Variants in RIPOR2 observed in about 807,000 individuals in gnomAD.
RIPOR2 encodes the protein rho family-interacting cell polarization regulator 2.
In RIPOR2, 39 loss-of-function variants were observed where a neutral mutation model predicts 114.5. The observed-to-expected ratio is 0.34, with a 90% confidence interval of 0.26 to 0.44. The LOEUF is 0.44. Among genes scored for constraint, RIPOR2 ranks in the 20% least tolerant of loss-of-function variants. The probability of loss-of-function intolerance (pLI) is 1.00; values close to 1 mark genes in which losing one functional copy is unlikely to be tolerated. For synonymous variants in RIPOR2, 445 were observed against 484.4 expected (o/e 0.92, Z 1.07); for missense variants, 1,007 against 1,255.1 (o/e 0.80, Z 2.99).
chr6:24,885,188 G>C (rs761948056), intron 1 of RIPOR2, among the ~76,000 whole-genome samples: 1 of 152,098 alleles, frequency 6.6e-6, no homozygotes, highest in Non-Finnish European at 1.5e-5. Flanking sequence ...AAATAACAGC[G>C]TAAAATTTGA....
chr6:24,908,422 T>G (rs927410164), intron 1 of RIPOR2, among the ~76,000 whole-genome samples: 2 of 152,258 alleles, frequency 1.3e-5, no homozygotes, highest in African/African-American at 4.8e-5. Context: ...CTGAAGTCTG[T>G]GCTATTCACC....
At chr6:25,004,380 A>G (rs9467376) in intron 1 of RIPOR2, among the ~76,000 whole-genome samples, 151,736 of 152,354 alleles carry the variant, frequency 1, 75,563 homozygotes, top group East Asian at 1. Flanking sequence ...CATAATCCCT[A>G]CTGCTTGGTC....
intron 18 of RIPOR2, among the ~76,000 whole-genome samples, chr6:24,826,094 T>C (rs1298848040): frequency 6.6e-6 from 1 of 151,890 alleles, no homozygotes; most frequent in Non-Finnish European, 1.5e-5. Flanking sequence ...GCCTGGCTAA[T>C]TGTTGTATTT....
At chr6:24,853,234 C>T (rs1763136000) in intron 8 of RIPOR2, among the ~76,000 whole-genome samples, 2 of 152,184 alleles carry the variant, frequency 1.3e-5, no homozygotes, top group Non-Finnish European at 2.9e-5. Flanking sequence ...GATACACCCC[C>T]AAAAGAAAGA....
At position 24,839,384 on chromosome 6, in the gene RIPOR2, T is replaced by G. The variant is rs1193582421; in HGVS notation, c.1858-112A>C. 3.5e-6 allele frequency: 5 copies of G among 1,440,622 alleles called. No individual in the cohort carries two copies. The Admixed American group carries it at 1.4e-4, about 41-fold the overall frequency. 89.2% of individuals were successfully genotyped at this position (1,440,622 alleles called of 1,614,324 possible). On this transcript the variant is annotated intron_variant, in intron 13 of 21. Transcript: ENST00000643898. ...TTTTTTTTTTGTTTCAAGTTTTTAT[T>G]TTTTGTTAGCATTTAAAAAATGCAT...
chr6:24,991,600 G>T (rs1333146023), intron 1 of RIPOR2, among the ~76,000 whole-genome samples: 1 of 152,156 alleles, frequency 6.6e-6, no homozygotes, highest in Non-Finnish European at 1.5e-5. Flanking sequence ...TATGGGTTTA[G>T]GTTTATGGAA....
At chr6:24,890,293 T>C (rs1001516346) in intron 1 of RIPOR2, among the ~76,000 whole-genome samples, 11 of 152,212 alleles carry the variant, frequency 7.2e-5, no homozygotes, top group Non-Finnish European at 1.2e-4. Context: ...AAATGTGGTA[T>C]ATATACACAA....
chr6:24,864,803 T>G (rs1428964967), intron 7 of RIPOR2, among the ~76,000 whole-genome samples: 1 of 152,032 alleles, frequency 6.6e-6, no homozygotes, highest in African/African-American at 2.4e-5. Flanking sequence ...AGGCAGAGGG[T>G]TACTGATCCA....
At chr6:24,966,201 A>C (rs1773519835) in intron 1 of RIPOR2, among the ~76,000 whole-genome samples, 1 of 152,210 alleles carries the variant, frequency 6.6e-6, no homozygotes, top group African/African-American at 2.4e-5. Flanking sequence ...TGAAGCTTAA[A>C]GATCTCAACC....
At chr6:25,036,473 C>A (rs141308154) in intron 1 of RIPOR2, among the ~76,000 whole-genome samples, 67 of 152,148 alleles carry the variant, frequency 4.4e-4, no homozygotes, top group Middle Eastern at 3.4e-3. Flanking sequence ...CTCAGTGTAA[C>A]CTCCAGTTCC....
chr6:24,825,343 G>C lies in RIPOR2; in HGVS notation c.2751C>G (p.Ala917=), dbSNP rs1380881206. 2 of 1,551,390 alleles carry C rather than the reference G, an allele frequency of 1.3e-6. No homozygotes were observed. The highest frequency in any genetic ancestry group is 2.7e-5 in the African/African-American group (2 of 73,004). ...MSDLAPSNLL[A]QQEVLRTLAL... ...CCAGAGTCCTGAGTACTTCCTGCTGGGCCAGGAGGTTGCTGGGAGCAAGGT... is the reference window on the plus strand; with the variant it reads ...CCAGAGTCCTGAGTACTTCCTGCTGCGCCAGGAGGTTGCTGGGAGCAAGGT... The change falls in exon 19 of 22, where the codon GCC becomes GCG. Residue 917 remains alanine (A), a synonymous_variant. Coordinates refer to ENST00000643898, the MANE Select transcript of RIPOR2 (RefSeq NM_001286445.3).
chr6:24,893,146 C>T (rs1767539162), intron 1 of RIPOR2, among the ~76,000 whole-genome samples: 1 of 152,168 alleles, frequency 6.6e-6, no homozygotes, highest in East Asian at 1.9e-4. Context: ...CAACAATCAC[C>T]AAAGGGATCG....
chr6:24,960,938 A>G (rs905676361), intron 1 of RIPOR2, among the ~76,000 whole-genome samples: 1 of 152,190 alleles, frequency 6.6e-6, no homozygotes, highest in Non-Finnish European at 1.5e-5. Flanking sequence ...GGAATGTGCT[A>G]CAGCAGAAAA....
chr6:25,016,114 C>T (rs1229836948), intron 1 of RIPOR2, among the ~76,000 whole-genome samples: 1 of 151,674 alleles, frequency 6.6e-6, no homozygotes, highest in Non-Finnish European at 1.5e-5. Flanking sequence ...ACTATGTTGG[C>T]CAGGCTGGTC....
intron 1 of RIPOR2, among the ~76,000 whole-genome samples, chr6:24,980,547 G>A (rs550470760): frequency 3.2e-4 from 49 of 152,298 alleles, no homozygotes; most frequent in Non-Finnish European, 5.3e-4. Flanking sequence ...TGTCAGAGCC[G>A]TAGGTGCAAC....
chr6:25,024,443 G>T (rs141669030), intron 1 of RIPOR2: 4 of 930,486 alleles, frequency 4.3e-6, no homozygotes, highest in Non-Finnish European at 7.0e-6. Flanking sequence ...TGTCCAGGCC[G>T]CCACCATAGG....
At chr6:24,919,898 C>T (rs1022986206) in intron 1 of RIPOR2, among the ~76,000 whole-genome samples, 14 of 152,170 alleles carry the variant, frequency 9.2e-5, no homozygotes, top group African/African-American at 3.1e-4. Context: ...CTATTCGACT[C>T]AAGTGCCTGG....
At chr6:24,873,558 C>T (rs1328137026) in intron 3 of RIPOR2, 86 bp downstream of exon 3, 4 of 1,202,578 alleles carry the variant, frequency 3.3e-6, no homozygotes, top group Non-Finnish European at 4.8e-6. Context: ...CAGAAATAGA[C>T]ATCTGAAAAA....
At chr6:24,998,479 A>G (rs372467423) in intron 1 of RIPOR2, among the ~76,000 whole-genome samples, 2 of 152,214 alleles carry the variant, frequency 1.3e-5, no homozygotes, top group Non-Finnish European at 2.9e-5. Context: ...AGATGTTTCT[A>G]TCAAAAAATC....
Sources: gnomAD v4.1 joint callset for allele counts (sites outside exome capture counted in the v4.1 genomes callset) on GRCh38, gnomAD v4.1.1 for gene constraint, MANE v1.5 for transcripts, NCBI Gene and HGNC (gene_info 2026-07-23, HGNC 2026-07-21) for gene names.